TNFSF4: variants seen among roughly 807,000 people sequenced by gnomAD.
TNFSF4 encodes the protein tumor necrosis factor ligand superfamily member 4.
Under a neutral mutation model 7.3 loss-of-function variants are expected in TNFSF4, and 4 were observed. That is an observed-to-expected ratio of 0.55 (90% CI 0.27 to 1.25). The LOEUF (loss-of-function observed/expected upper bound fraction) is 1.25. Among genes scored for constraint, TNFSF4 ranks in the 50% most tolerant of loss-of-function variants. The pLI, the probability that TNFSF4 is intolerant of heterozygous loss-of-function variation, is 0.12. For missense variants in TNFSF4, 181 were observed against 208.8 expected, an observed-to-expected ratio of 0.87 and a Z score of 0.82; for synonymous variants, 76 against 83.7, an observed-to-expected ratio of 0.91 and a Z score of 0.50.
At chr1:173,297,210 G>T in the TNFSF4 span, among the ~76,000 whole-genome samples, 1 of 151,820 alleles carries the variant, frequency 6.6e-6, no homozygotes, top group African/African-American at 2.4e-5. Flanking sequence ...AGACTTCCAT[G>T]AGAAAAATGT....
chr1:173,446,105 A>C, the TNFSF4 span, among the ~76,000 whole-genome samples: 4 of 152,214 alleles, frequency 2.6e-5, no homozygotes, highest in African/African-American at 9.6e-5. Flanking sequence ...TTTGCATGAA[A>C]AGTACAGTCA....
the TNFSF4 span, among the ~76,000 whole-genome samples, chr1:173,272,330 A>G: frequency 1.1e-4 from 16 of 152,080 alleles, no homozygotes; most frequent in Admixed American, 7.2e-4. Flanking sequence ...GTACCCTAGA[A>G]CTTAAAGTAT....
chr1:173,189,316 A>G lies in TNFSF4; in HGVS notation c.154-747T>C, dbSNP rs541524885. Among the ~76,000 whole-genome samples the G allele has an allele frequency of 2.0e-5, 3 of 152,300 alleles. No homozygotes were observed. The South Asian group carries it at 6.2e-4, about 32-fold the overall frequency. On this transcript the variant is annotated intron_variant, in intron 1 of 2. Coordinates refer to ENST00000281834, the MANE Select transcript of TNFSF4 (RefSeq NM_003326.5). ...TCCATCATGGCCACAGACTCCCAGA[A>G]TGCACTGGGAGGGAGTTCTGGAAGC...
the TNFSF4 span, among the ~76,000 whole-genome samples, chr1:173,327,922 C>G: frequency 6.6e-6 from 1 of 152,074 alleles, no homozygotes; most frequent in Non-Finnish European, 1.5e-5. Flanking sequence ...TAAACTAGTT[C>G]AACCATTGTG....
intron 1 of TNFSF4, chr1:173,205,682 A>C: frequency 1.3e-6 from 1 of 746,194 alleles, no homozygotes; most frequent in Non-Finnish European, 1.7e-6. Flanking sequence ...TTTTCTTCTC[A>C]AAAGAGCCTA....
chr1:173,397,249 A>G, the TNFSF4 span, among the ~76,000 whole-genome samples: 1 of 152,196 alleles, frequency 6.6e-6, no homozygotes, highest in African/African-American at 2.4e-5. Flanking sequence ...CCTTCAATCA[A>G]TTTCCAAACG....
the TNFSF4 span, among the ~76,000 whole-genome samples, chr1:173,250,367 G>C: frequency 6.6e-6 from 1 of 152,186 alleles, no homozygotes; most frequent in South Asian, 2.1e-4. Flanking sequence ...TAGAAATAGA[G>C]GTTAAGAGAC....
the TNFSF4 span, among the ~76,000 whole-genome samples, chr1:173,253,920 T>C: frequency 6.6e-6 from 1 of 152,198 alleles, no homozygotes; most frequent in South Asian, 2.1e-4. Context: ...TTCCCAGCTT[T>C]CTGAAAGACA....
At chr1:173,379,469 A>G in the TNFSF4 span, among the ~76,000 whole-genome samples, 1 of 152,168 alleles carries the variant, frequency 6.6e-6, no homozygotes, top group Non-Finnish European at 1.5e-5. Flanking sequence ...AAGTGGCTAC[A>G]GAAGGCCTTA....
At chr1:173,231,187 A>G in the TNFSF4 span, among the ~76,000 whole-genome samples, 5 of 152,236 alleles carry the variant, frequency 3.3e-5, no homozygotes, top group African/African-American at 1.2e-4. Context: ...ATCGATGCAG[A>G]AATCCTCAGT....
chr1:173,309,841 G>A, the TNFSF4 span, among the ~76,000 whole-genome samples: 1 of 151,648 alleles, frequency 6.6e-6, no homozygotes, highest in African/African-American at 2.4e-5. Context: ...TTTAATGATG[G>A]ACTCAATTTC....
chr1:173,282,462 A>ATTT, the TNFSF4 span, among the ~76,000 whole-genome samples: 1 of 146,534 alleles, frequency 6.8e-6, no homozygotes. Context: ...CACAGTCTAA[A>ATTT]TTTTTTTTTT....
the TNFSF4 span, among the ~76,000 whole-genome samples, chr1:173,271,501 G>GA: frequency 0.079 from 11,950 of 151,926 alleles, 621 homozygotes; most frequent in African/African-American, 0.14. Context: ...AAATTTACAA[G>GA]AAAAAATCAA....
the TNFSF4 span, among the ~76,000 whole-genome samples, chr1:173,335,466 C>G: frequency 6.6e-6 from 1 of 152,062 alleles, no homozygotes; most frequent in Non-Finnish European, 1.5e-5. Flanking sequence ...GGTAACAGAT[C>G]CTGGGGTGGC....
chr1:173,325,362 G>A, the TNFSF4 span, among the ~76,000 whole-genome samples: 1 of 152,028 alleles, frequency 6.6e-6, no homozygotes, highest in African/African-American at 2.4e-5. Flanking sequence ...CACATTCAAA[G>A]CAGTGTGTAG....
At chr1:173,241,719 C>A in the TNFSF4 span, among the ~76,000 whole-genome samples, 1 of 152,194 alleles carries the variant, frequency 6.6e-6, no homozygotes, top group Non-Finnish European at 1.5e-5. Flanking sequence ...ACAGAGTGAG[C>A]CAGCAGAGGC....
chr1:173,352,630 C>A, the TNFSF4 span, among the ~76,000 whole-genome samples: 98,710 of 152,148 alleles, frequency 0.65, 32,082 homozygotes, highest in Admixed American at 0.69. Flanking sequence ...AAGGTCAGGG[C>A]GAGATCACAA....
intron 1 of TNFSF4, among the ~76,000 whole-genome samples, chr1:173,196,593 G>A (rs1370933947): frequency 1.3e-5 from 2 of 152,178 alleles, no homozygotes; most frequent in African/African-American, 4.8e-5. Flanking sequence ...GTTTCAGAGA[G>A]AGCATGAACT....
At chr1:173,439,254 TAC>T in the TNFSF4 span, among the ~76,000 whole-genome samples, 1 of 152,244 alleles carries the variant, frequency 6.6e-6, no homozygotes, top group African/African-American at 2.4e-5. Flanking sequence ...CTTACATTGT[TAC>T]AGTCAGCAGA....
Sources: gnomAD v4.1 joint callset for allele counts (sites outside exome capture counted in the v4.1 genomes callset) on GRCh38, gnomAD v4.1.1 for gene constraint, MANE v1.5 for transcripts, NCBI Gene and HGNC (gene_info 2026-07-23, HGNC 2026-07-21) for gene names.